MAP1A: variants seen among roughly 807,000 people sequenced by gnomAD.
MAP1A encodes the protein microtubule-associated protein 1A.
MAP1A carries 42 observed loss-of-function variants against 185.9 expected under a neutral mutation model. That is an observed-to-expected ratio of 0.23 (90% CI 0.18 to 0.29). The LOEUF (loss-of-function observed/expected upper bound fraction) is 0.29, where lower values mean the gene tolerates loss of function less well. Among genes scored for constraint, MAP1A ranks in the 10% least tolerant of loss-of-function variants. MAP1A has a pLI of 1.00. For synonymous variants in MAP1A, 1,229 were observed against 1,335.9 expected (o/e 0.92, Z 1.74); for missense variants, 2,995 against 3,450.4 (o/e 0.87, Z 3.31).
rs2079353040 is a variant in MAP1A at position 43,527,925 on chromosome 15, A to G, written c.6452A>G (p.Asp2151Gly). 19 of 1,613,854 alleles carry G rather than the reference A, an allele frequency of 1.2e-5. No homozygotes were observed. The highest frequency in any genetic ancestry group is 1.5e-5 in the Non-Finnish European group (18 of 1,179,932). The change falls in exon 4 of 6, where the codon GAC becomes GGC. Residue 2151 changes from aspartate to glycine, a missense_variant. Asp to Gly is a moderately conservative substitution (Grantham distance 94). This residue lies in a region of MAP1A where 2,728 missense variants were observed against 2,986.0 expected (regional missense o/e 0.91). Transcript: ENST00000300231. The stretch of plus-strand genomic sequence containing the variant: ...GAGGCACATGTTAGCCCTCCCTTGG[A>G]CTCACACCTGGGGCCTGCCCGACCC... ...ETEAHVSPPL[D>G]SHLGPARPSL...
At chr15:43,513,418 A>G (rs758812793), upstream of MAP1A, among the ~76,000 whole-genome samples, 5 of 152,186 alleles carry the variant, frequency 3.3e-5, no homozygotes, top group Non-Finnish European at 7.3e-5. Flanking sequence ...GTGGAATATA[A>G]AATCCATCCA....
rs746904058 is a variant in MAP1A at position 43,521,332 on chromosome 15, A to G, written c.-142A>G. 5 of 1,608,856 alleles carry G rather than the reference A, an allele frequency of 3.1e-6. No homozygotes were observed. The highest frequency in any genetic ancestry group is 2.2e-5 in the East Asian group (1 of 44,776). ...ATCTCCTATTCTTCTAGATTTCCCA[A>G]TTGCTCAGCAATAGAGACCCTGGGA... On this transcript the variant is annotated 5_prime_UTR_variant, in exon 4 of 6. Coordinates refer to ENST00000300231, the MANE Select transcript of MAP1A (RefSeq NM_002373.6). The surrounding 1 kb of genome is among the most constrained non-coding windows in gnomAD (Gnocchi z 4.6).
upstream of MAP1A, among the ~76,000 whole-genome samples, chr15:43,514,719 T>G (rs1306878057): frequency 6.6e-6 from 1 of 152,198 alleles, no homozygotes; most frequent in Non-Finnish European, 1.5e-5. Context: ...CTTTCAAAGG[T>G]GATTTTTGCA....
chr15:43,527,065 C>G lies in MAP1A; in HGVS notation c.5592C>G (p.Pro1864=). The part of the protein sequence containing the change: ...PAPLSPAPGP[P]TPAPESHTPA... ...CCCTCTCCCCAGCTCCTGGTCCCCC[C>G]ACACCTGCCCCGGAATCCCATACTC... The change falls in exon 4 of 6, where the codon CCC becomes CCG. Residue 1864 remains proline, a synonymous_variant. Coordinates refer to ENST00000300231, the MANE Select transcript of MAP1A (RefSeq NM_002373.6). The G allele has an allele frequency of 4.4e-6, 7 of 1,583,012 alleles. No individual in the cohort carries two copies. Among genetic ancestry groups the G allele is most frequent in the South Asian group, 3.5e-5 (3 of 84,944 alleles).
intron 2 of MAP1A, 119 bp downstream of exon 2, chr15:43,520,842 G>T (rs1473055284): frequency 4.6e-6 from 6 of 1,301,658 alleles, no homozygotes; most frequent in Non-Finnish European, 6.5e-6. Flanking sequence ...CTGACGTATT[G>T]TCTCCAGCCC....
chr15:43,526,691 G>C lies in MAP1A; in HGVS notation c.5218G>C (p.Val1740Leu). ...TGAGGGCCCAGATGATGAGCAAGAAGTACCCCTGCGGGAACACGCAACCCG... is the reference window on the plus strand; with the variant it reads ...TGAGGGCCCAGATGATGAGCAAGAACTACCCCTGCGGGAACACGCAACCCG... ...LDEGPDDEQE[V>L]PLREHATRSP... Residue 1740 changes from valine (V) to leucine (L), a missense_variant, in exon 4 of 6, where the codon GTA (valine) becomes CTA (leucine). Transcript: ENST00000300231. This position sits in a 1 kb window ranked among gnomAD's most constrained non-coding sequence, Gnocchi z 4.7. 1 of 1,614,026 alleles carries C rather than the reference G, an allele frequency of 6.2e-7. No homozygotes were observed.
chr15:43,517,593 C>T (rs564621761), upstream of MAP1A: 22 of 172,936 alleles, frequency 1.3e-4, no homozygotes, highest in African/African-American at 1.5e-4. Context: ...CCCTCCCCCC[C>T]CCACCGCCCG....
In MAP1A at chr15:43,521,204, G is replaced by A. The variant is rs1566976873; in HGVS notation, c.-151+92G>A. ...AAGTCTCATATTGCATGACCATGGGGGGCCCTGGCAGAAAGGTAAGAGTCC... is the reference window on the plus strand; with the variant it reads ...AAGTCTCATATTGCATGACCATGGGAGGCCCTGGCAGAAAGGTAAGAGTCC... On this transcript the variant is annotated intron_variant, in intron 3 of 5. Coordinates refer to ENST00000300231, the MANE Select transcript of MAP1A (RefSeq NM_002373.6). The surrounding 1 kb of genome is among the most constrained non-coding windows in gnomAD (Gnocchi z 4.6). The A allele has an allele frequency of 6.8e-7, 1 of 1,475,222 alleles. No homozygotes were observed. Among genetic ancestry groups the A allele is most frequent in the East Asian group, 2.5e-5 (1 of 40,478 alleles). 91.4% of individuals were successfully genotyped at this position (1,475,222 alleles called of 1,614,324 possible).
At position 43,527,025 on chromosome 15, in the gene MAP1A, C is replaced by A. The variant is rs1310355986; in HGVS notation, c.5552C>A (p.Pro1851His). 6.2e-7 allele frequency: 1 copy of A among 1,604,176 alleles called. No individual in the cohort carries two copies. The highest frequency in any genetic ancestry group is 8.5e-7 in the Non-Finnish European group (1 of 1,175,134). ...DIPPWVPKDRPLPPAPLSPAP... is the reference protein window; with the variant it reads ...DIPPWVPKDRHLPPAPLSPAP... The stretch of plus-strand genomic sequence containing the variant: ...CCACCCTGGGTGCCCAAGGACAGAC[C>A]CCTCCCCCCTGCACCCCTCTCCCCA... The change falls in exon 4 of 6, where the codon CCC (proline) becomes CAC (histidine). Residue 1851 changes from proline (P) to histidine (H), a missense_variant. Transcript: ENST00000300231.
At chr15:43,515,454 G>T (rs955206267), upstream of MAP1A, among the ~76,000 whole-genome samples, 4 of 152,154 alleles carry the variant, frequency 2.6e-5, no homozygotes, top group Admixed American at 2.0e-4. Context: ...TTAGTTCTGG[G>T]TTTACCTGGG....
In MAP1A at chr15:43,527,876, T is replaced by A. The variant is rs2079352758; in HGVS notation, c.6403T>A (p.Ser2135Thr). 1 of 1,613,710 alleles carries A rather than the reference T, an allele frequency of 6.2e-7. No homozygotes were observed. The highest frequency in any genetic ancestry group is 1.7e-5 in the Admixed American group (1 of 59,986). ...PSPPHPIPMGSPTLWPETEAH... is the reference protein window; with the variant it reads ...PSPPHPIPMGTPTLWPETEAH... ...TCCTCCTCACCCCATTCCTATGGGG[T>A]CCCCCACATTATGGCCAGAAACTGA... The change falls in exon 4 of 6, where the codon TCC (serine) becomes ACC (threonine). Residue 2135 changes from serine to threonine, a missense_variant. Physicochemically the swap from Ser to Thr is moderately conservative, Grantham distance 58. Around this residue, in one of 3 missense-constraint regions of MAP1A, gnomAD observed 2,728 missense variants for 2,986.0 expected, o/e 0.91. Coordinates refer to ENST00000300231, the MANE Select transcript of MAP1A (RefSeq NM_002373.6).
At position 43,529,699 on chromosome 15, in the gene MAP1A, C is replaced by T. The variant is rs202171638; in HGVS notation, c.8085C>T (p.Leu2695=). 30 of 1,614,060 alleles carry T rather than the reference C, an allele frequency of 1.9e-5. No individual in the cohort carries two copies. The highest frequency in any genetic ancestry group is 9.3e-5 in the African/African-American group (7 of 74,930). The part of the protein sequence containing the change: ...GSSGAPVYVD[L]AYIPNHCSGK... Reference sequence around the variant, plus strand: ...CTGGTGCCCCTGTATATGTGGATCTCGCCTACATCCCGAATCATTGCAGTG... The same window carrying T: ...CTGGTGCCCCTGTATATGTGGATCTTGCCTACATCCCGAATCATTGCAGTG... Residue 2695 remains leucine, a synonymous_variant, in exon 5 of 6, where the codon CTC becomes CTT. Coordinates refer to ENST00000300231, the MANE Select transcript of MAP1A (RefSeq NM_002373.6). This position sits in a 1 kb window ranked among gnomAD's most constrained non-coding sequence, Gnocchi z 4.3.
chr15:43,526,679 G>A lies in MAP1A; in HGVS notation c.5206G>A (p.Asp1736Asn), dbSNP rs369933721. The A allele has an allele frequency of 6.0e-5, 97 of 1,613,956 alleles. No individual in the cohort carries two copies. Among genetic ancestry groups the A allele is most frequent in the Non-Finnish European group, 8.0e-5 (94 of 1,180,014 alleles). ...CACTTTCCTAGATGAGGGCCCAGAT[G>A]ATGAGCAAGAAGTACCCCTGCGGGA... ...ESTFLDEGPD[D>N]EQEVPLREHA... Residue 1736 changes from aspartate (D) to asparagine (N), a missense_variant, in exon 4 of 6, where the codon GAT becomes AAT. Asp to Asn is a conservative substitution (Grantham distance 23). Coordinates refer to ENST00000300231, the MANE Select transcript of MAP1A (RefSeq NM_002373.6). This position sits in a 1 kb window ranked among gnomAD's most constrained non-coding sequence, Gnocchi z 4.7.
exon 2 of MAP1A, chr15:43,512,218 A>C (rs2079283534): frequency 6.5e-7 from 1 of 1,549,444 alleles, no homozygotes; most frequent in African/African-American, 1.4e-5. Context: ...TTGACCTGTC[A>C]TCCTTTGACT....
Position 43,521,168 on chromosome 15 carries a change from G to T in MAP1A, c.-151+56G>T. The T allele has an allele frequency of 6.6e-7, 1 of 1,507,690 alleles. No individual in the cohort carries two copies. Among genetic ancestry groups the T allele is most frequent in the Middle Eastern group, 2.1e-4 (1 of 4,700 alleles). The allele number at this position is 1,507,690 out of a possible 1,614,324, so 93.4% of individuals were successfully genotyped here. A position where few individuals can be genotyped will look rare whatever the true frequency, so the allele number is the denominator to read the frequency against. ...AGGGTAGCACTAGAGCTGTGGGAGG[G>T]ATCTAAGGGAAAGTCTCATATTGCA... On this transcript the variant is annotated intron_variant, in intron 3 of 5. Coordinates refer to ENST00000300231, the MANE Select transcript of MAP1A (RefSeq NM_002373.6). The surrounding 1 kb of genome is among the most constrained non-coding windows in gnomAD (Gnocchi z 4.6).
upstream of MAP1A, among the ~76,000 whole-genome samples, chr15:43,514,883 G>A (rs916705033): frequency 7.0e-4 from 107 of 152,300 alleles, 2 homozygotes; most frequent in Non-Finnish European, 1.6e-4. Context: ...ATAGGAAATA[G>A]AAGGGGGCTT....
In MAP1A at chr15:43,525,925, C is replaced by T; in HGVS notation, c.4452C>T (p.Val1484=). ...KDKDLEQKDR[V]LEQKEKIPEE... ...AAGACTTGGAACAAAAGGACAGGGT[C>T]CTAGAACAGAAGGAGAAGATCCCAG... Residue 1484 remains valine, a synonymous_variant, in exon 4 of 6, where the codon GTC becomes GTT. Transcript: ENST00000300231. 6.2e-7 allele frequency: 1 copy of T among 1,613,840 alleles called. No individual in the cohort carries two copies. Among genetic ancestry groups the T allele is most frequent in the Non-Finnish European group, 8.5e-7 (1 of 1,179,866 alleles).
upstream of MAP1A, among the ~76,000 whole-genome samples, chr15:43,516,670 C>G (rs2079298554): frequency 6.6e-6 from 1 of 152,072 alleles, no homozygotes. Context: ...TTAGAAAGAT[C>G]CAAATAATAT....
Position 43,526,659 on chromosome 15 carries a change from T to C in MAP1A, c.5186T>C (p.Phe1729Ser). The C allele has an allele frequency of 6.2e-7, 1 of 1,613,934 alleles. No individual in the cohort carries two copies. Among genetic ancestry groups the C allele is most frequent in the Non-Finnish European group, 8.5e-7 (1 of 1,179,988 alleles). Residue 1729 changes from phenylalanine (F) to serine (S), a missense_variant, in exon 4 of 6, where the codon TTC becomes TCC. Around this residue, in one of 3 missense-constraint regions of MAP1A, gnomAD observed 2,728 missense variants for 2,986.0 expected, o/e 0.91. Coordinates refer to ENST00000300231, the MANE Select transcript of MAP1A (RefSeq NM_002373.6). The surrounding 1 kb of genome is among the most constrained non-coding windows in gnomAD (Gnocchi z 4.7). ...PHYTEERESTFLDEGPDDEQE... is the reference protein window; with the variant it reads ...PHYTEERESTSLDEGPDDEQE... ...TACACTGAGGAACGGGAAAGCACTTTCCTAGATGAGGGCCCAGATGATGAG... is the reference window on the plus strand; with the variant it reads ...TACACTGAGGAACGGGAAAGCACTTCCCTAGATGAGGGCCCAGATGATGAG...
Sources: gnomAD v4.1 joint callset for allele counts (sites outside exome capture counted in the v4.1 genomes callset) on GRCh38, gnomAD v4.1.1 for gene constraint, gnomAD v4.1.1 regional missense constraint, Gnocchi (gnomAD v3.1) non-coding constraint, MANE v1.5 for transcripts, NCBI Gene and HGNC (gene_info 2026-07-23, HGNC 2026-07-21) for gene names.